Variants in TMTC2 observed in about 807,000 individuals in gnomAD.
TMTC2 encodes the protein protein O-mannosyl-transferase TMTC2.
In TMTC2, 43 loss-of-function variants were observed where a neutral mutation model predicts 82.4. The observed-to-expected ratio is 0.52, with a 90% confidence interval of 0.41 to 0.67. The LOEUF (loss-of-function observed/expected upper bound fraction) is 0.67, where lower values mean the gene tolerates loss of function less well. TMTC2 is among the 30% of genes least tolerant of loss of function. TMTC2 has a pLI of 0.00. For synonymous variants in TMTC2, 408 were observed against 381.9 expected (o/e 1.07, Z -0.80); for missense variants, 919 against 1,012.4 (o/e 0.91, Z 1.25).
intron 2 of TMTC2, among the ~76,000 whole-genome samples, chr12:82,869,266 A>G (rs1872041301): frequency 6.6e-6 from 1 of 152,068 alleles, no homozygotes; most frequent in Non-Finnish European, 1.5e-5. Flanking sequence ...ACAAAACTGG[A>G]AGCTACCGAA....
intron 8 of TMTC2, among the ~76,000 whole-genome samples, chr12:82,991,325 G>C (rs1465949537): frequency 2.0e-5 from 3 of 151,940 alleles, no homozygotes; most frequent in Non-Finnish European, 2.9e-5. Flanking sequence ...TAAGTTACAA[G>C]TTATTTAGTT....
At chr12:83,051,112 CA>C in intron 10 of TMTC2, 94 bp downstream of exon 10, 1 of 762,956 alleles carries the variant, frequency 1.3e-6, no homozygotes, top group African/African-American at 1.8e-5. Flanking sequence ...TCCACATTCT[CA>C]ATGTGAGTCA....
intron 1 of TMTC2, among the ~76,000 whole-genome samples, chr12:82,730,257 T>C (rs1048330681): frequency 8.3e-5 from 10 of 120,462 alleles, no homozygotes; most frequent in Admixed American, 6.9e-4. Flanking sequence ...ATTGCGCTAC[T>C]GCACTCCAGC....
intron 9 of TMTC2, among the ~76,000 whole-genome samples, chr12:83,042,938 G>T (rs1207936634): frequency 6.6e-6 from 1 of 152,114 alleles, no homozygotes; most frequent in Non-Finnish European, 1.5e-5. Context: ...TTGATCTCTT[G>T]GGTATCTTTT....
At chr12:83,058,855 T>C (rs1882638535) in intron 10 of TMTC2, among the ~76,000 whole-genome samples, 1 of 151,872 alleles carries the variant, frequency 6.6e-6, no homozygotes, top group African/African-American at 2.4e-5. Context: ...GTTTCCACTA[T>C]ATCTAATTGT....
intron 2 of TMTC2, among the ~76,000 whole-genome samples, chr12:82,865,891 C>T (rs1281617511): frequency 6.6e-6 from 1 of 152,154 alleles, no homozygotes; most frequent in Non-Finnish European, 1.5e-5. Flanking sequence ...GGAAACAGAA[C>T]AACCTGCTCC....
chr12:82,894,717 C>A (rs1873569456), intron 2 of TMTC2, among the ~76,000 whole-genome samples: 1 of 152,094 alleles, frequency 6.6e-6, no homozygotes, highest in Admixed American at 6.6e-5. Flanking sequence ...AGAAAATTAG[C>A]CTTAACATGA....
At chr12:83,021,268 C>T (rs1355600298) in intron 8 of TMTC2, among the ~76,000 whole-genome samples, 3 of 152,066 alleles carry the variant, frequency 2.0e-5, no homozygotes, top group East Asian at 1.9e-4. Flanking sequence ...CCTATCTAGT[C>T]GGTGTTTCTG....
At chr12:82,946,882 C>T (rs1847709840) in intron 4 of TMTC2, among the ~76,000 whole-genome samples, 1 of 151,886 alleles carries the variant, frequency 6.6e-6, no homozygotes, top group South Asian at 2.1e-4. Flanking sequence ...GCTGGGACTA[C>T]AGGCGCCCGC....
intron 8 of TMTC2, among the ~76,000 whole-genome samples, chr12:83,000,555 G>A (rs1879874193): frequency 2.0e-5 from 3 of 152,210 alleles, no homozygotes; most frequent in Admixed American, 1.3e-4. Context: ...TGTGACTGCA[G>A]GGTATAGCCC....
intron 1 of TMTC2, among the ~76,000 whole-genome samples, chr12:82,786,929 A>G (rs748395528): frequency 2.6e-5 from 4 of 152,114 alleles, no homozygotes; most frequent in Non-Finnish European, 4.4e-5. Context: ...ATGCATACCT[A>G]CTTTCTTATT....
intron 11 of TMTC2, among the ~76,000 whole-genome samples, chr12:83,102,889 C>T (rs541500814): frequency 2.0e-5 from 3 of 152,310 alleles, no homozygotes; most frequent in South Asian, 4.1e-4. Flanking sequence ...CCAAAGCCAA[C>T]TCTTAAAATC....
chr12:82,883,550 T>G lies in TMTC2; in HGVS notation c.655-12268T>G, dbSNP rs375075685. ...GAAGTCTCATTATAATTTGTCTCTTTATGTTTCCAAAATGCTGGGCTCACA... is the reference window on the plus strand; with the variant it reads ...GAAGTCTCATTATAATTTGTCTCTTGATGTTTCCAAAATGCTGGGCTCACA... On this transcript the variant is annotated intron_variant, in intron 2 of 11. Coordinates refer to ENST00000321196, the MANE Select transcript of TMTC2 (RefSeq NM_152588.3). Among the ~76,000 whole-genome samples the G allele has an allele frequency of 3.3e-5, 5 of 152,320 alleles. No homozygotes were observed. In the East Asian group the frequency reaches 9.7e-4, roughly 29 times the overall value.
At chr12:82,759,133 T>C (rs1003552493) in intron 1 of TMTC2, 14 of 152,356 alleles carry the variant, frequency 9.2e-5, no homozygotes, top group African/African-American at 3.4e-4. Context: ...AGGTGAATGA[T>C]TGCTATTACT....
chr12:82,921,374 C>T (rs779967239), intron 3 of TMTC2, among the ~76,000 whole-genome samples: 1 of 152,092 alleles, frequency 6.6e-6, no homozygotes, highest in Non-Finnish European at 1.5e-5. Context: ...ATACTATAGA[C>T]CCCAAATGTT....
chr12:82,868,012 A>T (rs1163226280), intron 2 of TMTC2, among the ~76,000 whole-genome samples: 1 of 152,190 alleles, frequency 6.6e-6, no homozygotes, highest in African/African-American at 2.4e-5. Context: ...TAGCTGTGTG[A>T]CCTTGGGGAA....
chr12:82,715,392 G>A (rs1873850161), intron 1 of TMTC2, among the ~76,000 whole-genome samples: 1 of 152,098 alleles, frequency 6.6e-6, no homozygotes, highest in Non-Finnish European at 1.5e-5. Flanking sequence ...CTTTTTCTTA[G>A]GGGAAAAGGA....
chr12:82,792,085 G>T (rs539980331), intron 1 of TMTC2, among the ~76,000 whole-genome samples: 1 of 152,266 alleles, frequency 6.6e-6, no homozygotes, highest in African/African-American at 2.4e-5. Flanking sequence ...AGGTAGAGGG[G>T]AAAGAGTGTG....
At chr12:83,074,577 C>G (rs1461688722) in intron 11 of TMTC2, among the ~76,000 whole-genome samples, 2 of 151,986 alleles carry the variant, frequency 1.3e-5, no homozygotes, top group Admixed American at 1.3e-4. Context: ...CTAGGAGGAT[C>G]ATGGCTGCCT....
Sources: gnomAD v4.1 joint callset for allele counts (sites outside exome capture counted in the v4.1 genomes callset) on GRCh38, gnomAD v4.1.1 for gene constraint, MANE v1.5 for transcripts, NCBI Gene and HGNC (gene_info 2026-07-23, HGNC 2026-07-21) for gene names.